Variants in FAM169A observed in about 807,000 individuals in gnomAD.
FAM169A encodes the protein soluble lamin-associated protein of 75 kDa.
Under a neutral mutation model 75.7 loss-of-function variants are expected in FAM169A, and 24 were observed. The ratio of observed to expected loss-of-function variants is 0.32; its 90% CI spans 0.23 to 0.45. FAM169A has a LOEUF of 0.45. Ranked by LOEUF, FAM169A falls within the 20% of genes least tolerant of loss-of-function variation. The pLI is 1.00. For synonymous variants in FAM169A, 271 were observed against 271.0 expected, an observed-to-expected ratio of 1.00 and a Z score of 0.00; for missense variants, 673 against 784.0, an observed-to-expected ratio of 0.86 and a Z score of 1.69.
chr5:74,835,601 CAA>C (rs35800429), intron 4 of FAM169A, among the ~76,000 whole-genome samples: 543 of 59,130 alleles, frequency 9.2e-3, no homozygotes, highest in African/African-American at 0.028. Flanking sequence ...GACTGTGTCT[CAA>C]AAAAAAAAAA....
At chr5:74,850,387 T>C (rs774167436) in intron 1 of FAM169A, among the ~76,000 whole-genome samples, 1 of 152,226 alleles carries the variant, frequency 6.6e-6, no homozygotes, top group Non-Finnish European at 1.5e-5. Flanking sequence ...TCTTTCCAAC[T>C]CAAGGTTTAA....
At chr5:74,809,434 A>G (rs1358304830) in intron 6 of FAM169A, among the ~76,000 whole-genome samples, 2 of 152,168 alleles carry the variant, frequency 1.3e-5, no homozygotes, top group Non-Finnish European at 2.9e-5. Flanking sequence ...CTCTACTAAA[A>G]AAATACAAAA....
At chr5:74,831,480 C>T (rs1748308067) in intron 5 of FAM169A, among the ~76,000 whole-genome samples, 1 of 152,008 alleles carries the variant, frequency 6.6e-6, no homozygotes, top group Admixed American at 6.6e-5. Flanking sequence ...GATTGAATAA[C>T]CCTTACCCAA....
chr5:74,842,179 T>G (rs1224114946), intron 1 of FAM169A, among the ~76,000 whole-genome samples: 1 of 125,088 alleles, frequency 8.0e-6, no homozygotes, highest in Admixed American at 7.7e-5. Context: ...TCCAGCACTT[T>G]GGGGGGCCAA....
chr5:74,837,827 T>C (rs1748646819), intron 4 of FAM169A, among the ~76,000 whole-genome samples: 1 of 152,070 alleles, frequency 6.6e-6, no homozygotes, highest in Non-Finnish European at 1.5e-5. Context: ...TTAAATTCAT[T>C]CTCCTGTTGG....
At position 74,853,942 on chromosome 5, in the gene FAM169A, T is replaced by TA. The variant is rs879578990; in HGVS notation, c.-4+12222dup. On this transcript the variant is annotated intron_variant, in intron 1 of 12. Coordinates refer to ENST00000687041, the MANE Select transcript of FAM169A (RefSeq NM_001376049.1). ...AAGCCAAGTGTTTTAAAGCTGAAGT[T>TA]AAAAAAAAAAAGAAACATAAAAACT... Among the ~76,000 whole-genome samples the TA allele has an allele frequency of 1.2e-3, 180 of 144,954 alleles. 1 individual carries two copies. Among genetic ancestry groups the TA allele is most frequent in the Middle Eastern group, 3.6e-3 (1 of 278 alleles).
intron 6 of FAM169A, among the ~76,000 whole-genome samples, 172 bp from the exon 7 acceptor site, chr5:74,805,456 T>C (rs79804100): frequency 4.8e-5 from 6 of 124,742 alleles, no homozygotes; most frequent in African/African-American, 5.7e-5. Context: ...ATAAAAATTC[T>C]AAATAAAAAT....
chr5:74,865,198 C>T (rs1458722708), intron 1 of FAM169A: 1 of 152,200 alleles, frequency 6.6e-6, no homozygotes, highest in Admixed American at 6.5e-5. Context: ...AAAGAATTCC[C>T]AAATTCTCAG....
chr5:74,788,536 T>A (rs1745810919), intron 11 of FAM169A, among the ~76,000 whole-genome samples: 1 of 151,954 alleles, frequency 6.6e-6, no homozygotes, highest in Non-Finnish European at 1.5e-5. Context: ...AGAAACCCCA[T>A]CTCTACTAAA....
At chr5:74,857,044 G>A (rs182119473) in intron 1 of FAM169A, among the ~76,000 whole-genome samples, 6 of 150,118 alleles carry the variant, frequency 4.0e-5, no homozygotes, top group Non-Finnish European at 4.4e-5. Flanking sequence ...CGGAGCCGGA[G>A]GTTGCAGTGA....
intron 1 of FAM169A, among the ~76,000 whole-genome samples, chr5:74,843,384 A>G (rs978271046): frequency 6.6e-6 from 1 of 152,206 alleles, no homozygotes; most frequent in African/African-American, 2.4e-5. Context: ...TTAATTTGAA[A>G]GAACAGACAA....
chr5:74,796,449 AGGCTGGAGTGCAATG>A (rs1321956226), intron 10 of FAM169A, among the ~76,000 whole-genome samples: 2 of 151,304 alleles, frequency 1.3e-5, no homozygotes, highest in East Asian at 3.9e-4. Context: ...TCTGTTGCCC[AGGCTGGAGTGCAATG>A]GCGCGATCTC....
intron 6 of FAM169A, among the ~76,000 whole-genome samples, chr5:74,812,648 C>T (rs190731457): frequency 2.6e-5 from 4 of 151,820 alleles, no homozygotes; most frequent in African/African-American, 4.8e-5. Flanking sequence ...ACAAATAACC[C>T]CCCCCCAAAA....
chr5:74,857,938 T>C (rs887643518), intron 1 of FAM169A, among the ~76,000 whole-genome samples: 2 of 152,180 alleles, frequency 1.3e-5, no homozygotes, highest in Non-Finnish European at 2.9e-5. Context: ...ACAAAAAAAT[T>C]AGTATTCTCC....
chr5:74,860,130 G>C (rs1017589111), intron 1 of FAM169A, among the ~76,000 whole-genome samples: 3 of 152,160 alleles, frequency 2.0e-5, no homozygotes, highest in Non-Finnish European at 4.4e-5. Flanking sequence ...CTTAATAAAA[G>C]GCAGCTAGAA....
chr5:74,825,396 C>T (rs928500288), intron 5 of FAM169A, among the ~76,000 whole-genome samples: 1 of 152,144 alleles, frequency 6.6e-6, no homozygotes, highest in Non-Finnish European at 1.5e-5. Context: ...AAAATGTGGC[C>T]AGCATGACTG....
intron 10 of FAM169A, among the ~76,000 whole-genome samples, chr5:74,797,093 T>C (rs558146929): frequency 2.6e-5 from 4 of 152,314 alleles, no homozygotes; most frequent in Admixed American, 6.5e-5. Flanking sequence ...ACACCTGTGA[T>C]AGCCCAGCTC....
chr5:74,832,238 G>C (rs1473663249), intron 5 of FAM169A, among the ~76,000 whole-genome samples: 2 of 151,490 alleles, frequency 1.3e-5, no homozygotes, highest in African/African-American at 4.8e-5. Flanking sequence ...AATAACAGTA[G>C]AAAAAAACAA....
At chr5:74,839,322 C>T (rs1449740204) in intron 3 of FAM169A, among the ~76,000 whole-genome samples, 1 of 151,890 alleles carries the variant, frequency 6.6e-6, no homozygotes, top group African/African-American at 2.4e-5. Context: ...AGAGGTGATT[C>T]GATCATGGGT....
Sources: allele counts gnomAD v4.1 joint callset (sites outside exome capture counted in the v4.1 genomes callset), GRCh38; gene constraint gnomAD v4.1.1; transcripts MANE v1.5; gene names NCBI Gene and HGNC (gene_info 2026-07-23, HGNC 2026-07-21).